The following STK32B variants were observed in gnomAD, a reference collection of about 807,000 sequenced individuals.
STK32B encodes the protein serine/threonine-protein kinase 32B.
Under a neutral mutation model 52.6 loss-of-function variants are expected in STK32B, and 43 were observed. The ratio of observed to expected loss-of-function variants is 0.82; its 90% CI spans 0.64 to 1.05. STK32B has a LOEUF of 1.05. Ranked by LOEUF, STK32B falls within the 50% of genes least tolerant of loss-of-function variation. STK32B has a pLI of 0.00. For synonymous variants in STK32B, 238 were observed against 204.3 expected, an observed-to-expected ratio of 1.17 and a Z score of -1.41; for missense variants, 621 against 534.6, an observed-to-expected ratio of 1.16 and a Z score of -1.59.
At chr4:5,103,908 A>G (rs944356406) in intron 1 of STK32B, among the ~76,000 whole-genome samples, 3 of 152,204 alleles carry the variant, frequency 2.0e-5, no homozygotes, top group African/African-American at 7.2e-5. Context: ...GTTCACTCGG[A>G]TACCTTAAAT....
chr4:5,102,931 CCT>C (rs1422445902), intron 1 of STK32B, among the ~76,000 whole-genome samples: 2 of 110,096 alleles, frequency 1.8e-5, no homozygotes, highest in African/African-American at 6.8e-5. Context: ...CTTCTCCTCC[CCT>C]CCCCCCTCCC....
chr4:5,267,891 C>T (rs1053629087), intron 3 of STK32B, among the ~76,000 whole-genome samples: 2 of 152,224 alleles, frequency 1.3e-5, no homozygotes, highest in Non-Finnish European at 2.9e-5. Context: ...CAGAAGTTGA[C>T]AGCTCTGCTG....
chr4:5,105,191 T>C (rs1320504343), intron 1 of STK32B, among the ~76,000 whole-genome samples: 16 of 152,154 alleles, frequency 1.1e-4, no homozygotes. Context: ...TGTTGAAGGC[T>C]GGGTGCAGTG....
chr4:5,168,268 C>G, intron 2 of STK32B, 31 bp from the exon 3 acceptor site: 1 of 1,589,462 alleles, frequency 6.3e-7, no homozygotes, highest in South Asian at 1.1e-5. Context: ...GATTGTTGGC[C>G]TGACTGTTCT....
intron 3 of STK32B, among the ~76,000 whole-genome samples, chr4:5,178,692 C>T (rs1214945393): frequency 6.6e-6 from 1 of 152,232 alleles, no homozygotes. Context: ...TTCCACAGAT[C>T]TCTAGGGCAA....
chr4:5,172,767 T>A (rs187872527), intron 3 of STK32B, among the ~76,000 whole-genome samples: 3,694 of 152,270 alleles, frequency 0.024, 78 homozygotes, highest in Non-Finnish European at 0.039. Context: ...GGTCTAAAAT[T>A]CTCTTTTTTG....
Position 5,499,281 on chromosome 4 carries a change from C to A in STK32B, c.*198C>A. On this transcript the variant is annotated 3_prime_UTR_variant, in exon 12 of 12. Coordinates refer to ENST00000282908, the MANE Select transcript of STK32B (RefSeq NM_018401.3). Reference sequence around the variant, plus strand: ...CACGTGTGACCTCAGACAAGTCACGCCCTCTCTGTGCCTCCGTTTTCTGCA... The same window carrying A: ...CACGTGTGACCTCAGACAAGTCACGACCTCTCTGTGCCTCCGTTTTCTGCA... The A allele has an allele frequency of 1.6e-6, 1 of 612,262 alleles. No individual in the cohort carries two copies. Among genetic ancestry groups the A allele is most frequent in the Non-Finnish European group, 2.5e-6 (1 of 406,166 alleles). The allele number at this position is 612,262 out of a possible 1,614,324, so 37.9% of individuals were successfully genotyped here.
chr4:5,181,594 A>T (rs1720366296), intron 3 of STK32B, among the ~76,000 whole-genome samples: 1 of 152,248 alleles, frequency 6.6e-6, no homozygotes, highest in Non-Finnish European at 1.5e-5. Context: ...AACAAAGCAA[A>T]TATCACAATA....
In STK32B at chr4:5,434,452, G is replaced by GTATATATATA. The variant is rs1182103278; in HGVS notation, c.563-12220_563-12219insATATATATAT. The stretch of plus-strand genomic sequence containing the variant: ...CATGTATGTGTGTGTGTGTGTGTGT[G>GTATATATATA]TGTATATATATATATATATATGATT... On this transcript the variant is annotated intron_variant, in intron 6 of 11. Coordinates refer to ENST00000282908, the MANE Select transcript of STK32B (RefSeq NM_018401.3). Among the ~76,000 whole-genome samples the GTATATATATA allele has an allele frequency of 5.1e-3, 735 of 143,136 alleles. 4 individuals carry two copies. The highest frequency in any genetic ancestry group is 0.032 in the East Asian group (154 of 4,806). 93.9% of individuals were successfully genotyped at this position (143,136 alleles called of 152,430 possible). A position where few individuals can be genotyped will look rare whatever the true frequency, so the allele number is the denominator to read the frequency against.
At chr4:5,259,612 C>T (rs1726567176) in intron 3 of STK32B, among the ~76,000 whole-genome samples, 2 of 152,110 alleles carry the variant, frequency 1.3e-5, no homozygotes, top group Admixed American at 1.3e-4. Context: ...ATAATATTGC[C>T]AGACACACAG....
chr4:5,291,629 T>A (rs1033205420), intron 3 of STK32B, among the ~76,000 whole-genome samples: 6 of 152,144 alleles, frequency 3.9e-5, no homozygotes, highest in African/African-American at 1.4e-4. Flanking sequence ...CTAATCTAGA[T>A]GGCTTTTATT....
At chr4:5,102,021 C>G (rs992205754) in intron 1 of STK32B, among the ~76,000 whole-genome samples, 2 of 152,138 alleles carry the variant, frequency 1.3e-5, no homozygotes, top group South Asian at 4.1e-4. Flanking sequence ...CACTTGTGTC[C>G]TGGCTCAAAC....
chr4:5,046,707 C>T (rs769595719), upstream of STK32B, among the ~76,000 whole-genome samples: 1 of 152,064 alleles, frequency 6.6e-6, no homozygotes, highest in Non-Finnish European at 1.5e-5. Flanking sequence ...CAAAAGAAGA[C>T]ATTTATGCAG....
intron 5 of STK32B, among the ~76,000 whole-genome samples, chr4:5,407,565 A>G (rs982788375): frequency 6.6e-6 from 1 of 152,120 alleles, no homozygotes; most frequent in Admixed American, 6.5e-5. Context: ...TACAGGAGTC[A>G]TGGTTGGTGA....
At chr4:5,086,887 A>C (rs1712761426) in intron 1 of STK32B, among the ~76,000 whole-genome samples, 1 of 152,230 alleles carries the variant, frequency 6.6e-6, no homozygotes, top group Non-Finnish European at 1.5e-5. Flanking sequence ...TTCCAGATAA[A>C]CAAAAATTGA....
chr4:5,063,524 G>A (rs1361772869), intron 1 of STK32B, among the ~76,000 whole-genome samples: 3 of 151,946 alleles, frequency 2.0e-5, no homozygotes, highest in African/African-American at 7.3e-5. Flanking sequence ...TGTATTTTTA[G>A]TAGAGACGGG....
At position 5,412,375 on chromosome 4, in the gene STK32B, A is replaced by G. The variant is rs3774847; in HGVS notation, c.473-4470A>G. ...TTCGGTTGCCCATTAGATGAGGCCC[A>G]CTGGGAAGTCACAGCTCATCAGTTA... is the stretch of plus-strand genomic sequence containing the variant. On this transcript the variant is annotated intron_variant, in intron 5 of 11. Transcript: ENST00000282908. Among the ~76,000 whole-genome samples the G allele has an allele frequency of 5.1e-3, 779 of 152,314 alleles. 23 individuals are homozygous for G. In the East Asian group the frequency reaches 0.073, roughly 14 times the overall value.
chr4:5,154,218 T>C (rs1308337070), intron 2 of STK32B, among the ~76,000 whole-genome samples: 1 of 150,724 alleles, frequency 6.6e-6, no homozygotes. Flanking sequence ...TGTCTTTTTT[T>C]TTTTTTTTTT....
chr4:5,283,270 T>G (rs182820688), intron 3 of STK32B, among the ~76,000 whole-genome samples: 40 of 151,616 alleles, frequency 2.6e-4, no homozygotes, highest in African/African-American at 9.5e-4. Flanking sequence ...TTTAAAAGGC[T>G]AAATAGTATT....
Sources: allele counts gnomAD v4.1 joint callset (sites outside exome capture counted in the v4.1 genomes callset), GRCh38; gene constraint gnomAD v4.1.1; transcripts MANE v1.5; gene names NCBI Gene and HGNC (gene_info 2026-07-23, HGNC 2026-07-21).